CDH12: variants seen among roughly 807,000 people sequenced by gnomAD.
The protein encoded by CDH12 is cadherin-12.
A neutral mutation model predicts 74.1 loss-of-function variants in CDH12; 41 were observed. The observed-to-expected ratio is 0.55, with a 90% confidence interval of 0.43 to 0.72. CDH12 has a LOEUF of 0.72. Ranked by LOEUF, CDH12 falls within the 30% of genes least tolerant of loss-of-function variation. The probability of loss-of-function intolerance (pLI) is 0.00; values close to 1 mark genes in which losing one functional copy is unlikely to be tolerated. For synonymous variants in CDH12, 399 were observed against 355.0 expected, an observed-to-expected ratio of 1.12 and a Z score of -1.39; for missense variants, 945 against 977.2, an observed-to-expected ratio of 0.97 and a Z score of 0.44.
At chr5:21,937,914 TG>T (rs1755148308) in intron 6 of CDH12, among the ~76,000 whole-genome samples, 1 of 152,174 alleles carries the variant, frequency 6.6e-6, no homozygotes, top group African/African-American at 2.4e-5. Context: ...GGAGGAGTCT[TG>T]AAGACAATTG....
intron 1 of CDH12, among the ~76,000 whole-genome samples, chr5:22,801,934 T>A (rs1748550404): frequency 6.6e-6 from 1 of 151,628 alleles, no homozygotes; most frequent in Non-Finnish European, 1.5e-5. Flanking sequence ...TTGACATTTG[T>A]ATTCTGAGGT....
intron 3 of CDH12, among the ~76,000 whole-genome samples, chr5:22,386,283 C>A (rs1481462279): frequency 1.3e-5 from 2 of 152,182 alleles, no homozygotes; most frequent in Non-Finnish European, 2.9e-5. Context: ...AGTCATCTCC[C>A]ACTAGGCCTC....
chr5:22,074,004 T>C (rs1742130946), intron 5 of CDH12, among the ~76,000 whole-genome samples: 1 of 152,112 alleles, frequency 6.6e-6, no homozygotes, highest in Non-Finnish European at 1.5e-5. Context: ...ACAATGTAAG[T>C]TTGAACTGCA....
intron 3 of CDH12, among the ~76,000 whole-genome samples, chr5:22,297,689 T>C (rs1245683995): frequency 6.6e-6 from 1 of 152,180 alleles, no homozygotes; most frequent in Non-Finnish European, 1.5e-5. Context: ...TTTTCAAATA[T>C]TGTTTTAGGT....
intron 1 of CDH12, among the ~76,000 whole-genome samples, chr5:22,705,144 C>T (rs887444438): frequency 2.7e-5 from 4 of 147,120 alleles, no homozygotes; most frequent in South Asian, 4.3e-4. Context: ...CACACACACA[C>T]ACACACACAC....
At chr5:21,934,029 G>A (rs1754963395) in intron 6 of CDH12, among the ~76,000 whole-genome samples, 1 of 152,136 alleles carries the variant, frequency 6.6e-6, no homozygotes, top group African/African-American at 2.4e-5. Context: ...GTGTCATTGG[G>A]TATTTTTCTT....
At chr5:22,517,882 G>T (rs935423785) in intron 1 of CDH12, among the ~76,000 whole-genome samples, 1 of 152,052 alleles carries the variant, frequency 6.6e-6, no homozygotes, top group Admixed American at 6.6e-5. Flanking sequence ...TGGGTTCTGG[G>T]GGAGAAAATA....
intron 6 of CDH12, among the ~76,000 whole-genome samples, chr5:21,917,407 C>A (rs1754148342): frequency 1.3e-5 from 2 of 152,200 alleles, no homozygotes; most frequent in Non-Finnish European, 2.9e-5. Flanking sequence ...CAAGCTACTG[C>A]AGCTCTGAAG....
intron 1 of CDH12, among the ~76,000 whole-genome samples, chr5:22,818,013 T>G (rs958966325): frequency 5.3e-5 from 8 of 152,138 alleles, no homozygotes; most frequent in African/African-American, 1.7e-4. Flanking sequence ...GTGTAGTGTG[T>G]GGGTCGTACT....
chr5:22,008,072 C>T (rs973201933), intron 5 of CDH12, among the ~76,000 whole-genome samples: 2 of 152,092 alleles, frequency 1.3e-5, no homozygotes, highest in African/African-American at 4.8e-5. Flanking sequence ...AGACGTCCTG[C>T]TTTCCTCGCT....
At chr5:22,167,462 G>A (rs1232082896) in intron 4 of CDH12, among the ~76,000 whole-genome samples, 3 of 152,028 alleles carry the variant, frequency 2.0e-5, no homozygotes, top group Non-Finnish European at 4.4e-5. Flanking sequence ...CCTACTCTGG[G>A]GAGTTATAAC....
chr5:22,849,509 C>A (rs1446478479), intron 1 of CDH12, among the ~76,000 whole-genome samples: 1 of 152,092 alleles, frequency 6.6e-6, no homozygotes, highest in Non-Finnish European at 1.5e-5. Flanking sequence ...CTACCTGTGT[C>A]CTAATGTTTG....
chr5:21,915,101 T>C (rs1754027849), intron 6 of CDH12, among the ~76,000 whole-genome samples: 1 of 152,162 alleles, frequency 6.6e-6, no homozygotes, highest in African/African-American at 2.4e-5. Context: ...TTATTGTTTT[T>C]CCTAAAAGCA....
At chr5:21,918,365 T>A (rs1396413917) in intron 6 of CDH12, among the ~76,000 whole-genome samples, 1 of 152,156 alleles carries the variant, frequency 6.6e-6, no homozygotes, top group African/African-American at 2.4e-5. Flanking sequence ...CAAAGCATAT[T>A]TTTGTCTAAA....
intron 1 of CDH12, among the ~76,000 whole-genome samples, chr5:22,708,857 A>C (rs1743153417): frequency 6.6e-6 from 1 of 152,198 alleles, no homozygotes. Context: ...AAGCACTAGC[A>C]GAAGCAAAGT....
chr5:22,460,854 G>GGGATTACA (rs1284873315), intron 2 of CDH12, among the ~76,000 whole-genome samples: 1 of 148,734 alleles, frequency 6.7e-6, no homozygotes, highest in Non-Finnish European at 1.5e-5. Flanking sequence ...CCGAGTAGCT[G>GGGATTACA]GGATTACAGG....
At chr5:22,295,941 T>A (rs1443466373) in intron 3 of CDH12, among the ~76,000 whole-genome samples, 2 of 152,050 alleles carry the variant, frequency 1.3e-5, no homozygotes, top group Admixed American at 1.3e-4. Context: ...AAAAATCGCA[T>A]CATTTCTATA....
intron 1 of CDH12, among the ~76,000 whole-genome samples, chr5:22,785,532 T>G (rs567816688): frequency 6.6e-6 from 1 of 152,290 alleles, no homozygotes; most frequent in East Asian, 1.9e-4. Context: ...TTTTATTTAT[T>G]TATTTGAGAC....
chr5:22,588,873 C>T (rs929959359), intron 1 of CDH12, among the ~76,000 whole-genome samples: 21 of 152,096 alleles, frequency 1.4e-4, no homozygotes, highest in African/African-American at 5.1e-4. Flanking sequence ...GCAGTTATCA[C>T]CTTTTTCTCT....
Sources: allele counts gnomAD v4.1 joint callset (sites outside exome capture counted in the v4.1 genomes callset), GRCh38; gene constraint gnomAD v4.1.1; transcripts MANE v1.5; gene names NCBI Gene and HGNC (gene_info 2026-07-23, HGNC 2026-07-21).